Variants in GFRA1 observed in about 807,000 individuals in gnomAD.
GFRA1 encodes GDNF family receptor alpha 1, also known as GDNF family receptor alpha-1.
Under a neutral mutation model 51.6 loss-of-function variants are expected in GFRA1, and 16 were observed. That is an observed-to-expected ratio of 0.31 (90% CI 0.21 to 0.47). The LOEUF is 0.47. Among genes scored for constraint, GFRA1 ranks in the 20% least tolerant of loss-of-function variants. The probability of loss-of-function intolerance (pLI) is 1.00; values close to 1 mark genes in which losing one functional copy is unlikely to be tolerated. For synonymous variants in GFRA1, 270 were observed against 241.3 expected (o/e 1.12, Z -1.10); for missense variants, 530 against 594.3 (o/e 0.89, Z 1.13).
chr10:116,162,545 G>A (rs978279475), intron 5 of GFRA1, among the ~76,000 whole-genome samples: 5 of 152,198 alleles, frequency 3.3e-5, no homozygotes, highest in Non-Finnish European at 5.9e-5. Context: ...GTTGGTCTGC[G>A]GAGGCTCTGG....
chr10:116,141,488 G>T (rs758031767), intron 5 of GFRA1, among the ~76,000 whole-genome samples: 38 of 151,772 alleles, frequency 2.5e-4, no homozygotes, highest in Admixed American at 2.4e-3. Flanking sequence ...CTGCCTCCTG[G>T]CAATGAGTAA....
intron 4 of GFRA1, among the ~76,000 whole-genome samples, chr10:116,228,179 G>A (rs750899987): frequency 2.6e-5 from 4 of 152,266 alleles, no homozygotes; most frequent in South Asian, 2.1e-4. Context: ...ATTATCTCCC[G>A]GGCCTGGTAG....
intron 9 of GFRA1, among the ~76,000 whole-genome samples, chr10:116,083,585 A>C (rs1021735260): frequency 1.3e-5 from 2 of 152,198 alleles, no homozygotes; most frequent in African/African-American, 4.8e-5. Context: ...CAGAACACCC[A>C]TTGGCAGCTT....
intron 5 of GFRA1, among the ~76,000 whole-genome samples, chr10:116,148,056 A>ATGTGTGCATGTG (rs1555158853): frequency 9.2e-4 from 126 of 136,536 alleles, no homozygotes; most frequent in Non-Finnish European, 1.4e-3. Flanking sequence ...GTGTGCATGC[A>ATGTGTGCATGTG]TGTGTGCATG....
chr10:116,082,549 T>C (rs2133840502), intron 9 of GFRA1, among the ~76,000 whole-genome samples: 1 of 152,234 alleles, frequency 6.6e-6, no homozygotes. Flanking sequence ...GGTGCGATCT[T>C]GGCTCACCAC....
At chr10:116,211,596 C>G (rs1965198414) in intron 5 of GFRA1, 35 bp downstream of exon 5, 1 of 1,538,804 alleles carries the variant, frequency 6.5e-7, no homozygotes, top group Non-Finnish European at 8.8e-7. Flanking sequence ...AAGAGCACAG[C>G]CAGTGAAAAA....
intron 5 of GFRA1, among the ~76,000 whole-genome samples, chr10:116,161,979 T>G (rs1959855378): frequency 6.6e-6 from 1 of 152,228 alleles, no homozygotes; most frequent in African/African-American, 2.4e-5. Context: ...ATTTCAGGCT[T>G]CAATCTCAGA....
intron 6 of GFRA1, among the ~76,000 whole-genome samples, chr10:116,105,834 G>A (rs867640613): frequency 3.3e-5 from 5 of 152,160 alleles, no homozygotes; most frequent in Admixed American, 1.3e-4. Flanking sequence ...AACTGCTTGC[G>A]GCAGGCAGAA....
At chr10:116,248,342 T>C (rs554457280) in intron 4 of GFRA1, among the ~76,000 whole-genome samples, 2 of 152,298 alleles carry the variant, frequency 1.3e-5, no homozygotes, top group South Asian at 2.1e-4. Context: ...CCAGGCTCAA[T>C]GCAATCAGGC....
chr10:116,163,784 C>T (rs768404488), intron 5 of GFRA1, among the ~76,000 whole-genome samples: 5 of 152,274 alleles, frequency 3.3e-5, no homozygotes, highest in African/African-American at 7.2e-5. Context: ...TCACACTCTC[C>T]GCCAGTGCTG....
intron 9 of GFRA1, among the ~76,000 whole-genome samples, chr10:116,081,377 C>CA (rs1183735374): frequency 6.6e-6 from 1 of 152,224 alleles, no homozygotes; most frequent in African/African-American, 2.4e-5. Context: ...ACCAATCTGA[C>CA]ACTTCAGTCT....
intron 6 of GFRA1, among the ~76,000 whole-genome samples, chr10:116,107,455 G>A (rs565966897): frequency 6.6e-6 from 1 of 152,290 alleles, no homozygotes; most frequent in African/African-American, 2.4e-5. Flanking sequence ...ATGTGTTCAG[G>A]AAAGTCATGA....
chr10:116,102,147 C>T (rs891291739), intron 6 of GFRA1, among the ~76,000 whole-genome samples: 8 of 152,196 alleles, frequency 5.3e-5, no homozygotes, highest in Non-Finnish European at 1.0e-4. Flanking sequence ...CCACAGATGG[C>T]ATTCACAGGA....
chr10:116,086,554 C>G (rs563429458), intron 9 of GFRA1, among the ~76,000 whole-genome samples: 1 of 152,288 alleles, frequency 6.6e-6, no homozygotes, highest in African/African-American at 2.4e-5. Flanking sequence ...CTGCCCTTAT[C>G]CCTTATTCCC....
chr10:116,109,654 G>A (rs931257115), intron 6 of GFRA1, among the ~76,000 whole-genome samples: 3 of 152,088 alleles, frequency 2.0e-5, no homozygotes, highest in Non-Finnish European at 4.4e-5. Context: ...AGGGCTCCCC[G>A]GGCCCACGGG....
chr10:116,058,388 C>G lies in GFRA1; in HGVS notation c.*6010G>C, dbSNP rs1175398889. On this transcript the variant is annotated 3_prime_UTR_variant, in exon 11 of 11. Transcript: ENST00000355422. Reference sequence around the variant, plus strand: ...CACCTGCACCATGGCCGGTACCTGACAGCTGTGACTTCCCCGCCGCTGTGC... The same window carrying G: ...CACCTGCACCATGGCCGGTACCTGAGAGCTGTGACTTCCCCGCCGCTGTGC... The G allele has an allele frequency of 2.6e-5, 4 of 152,330 alleles. No individual in the cohort carries two copies. Among genetic ancestry groups the G allele is most frequent in the East Asian group, 1.9e-4 (1 of 5,176 alleles). The allele number at this position is 152,330 out of a possible 1,614,324, so 9.4% of individuals were successfully genotyped here.
intron 9 of GFRA1, among the ~76,000 whole-genome samples, chr10:116,087,548 G>A (rs1289491110): frequency 6.6e-6 from 1 of 152,216 alleles, no homozygotes; most frequent in African/African-American, 2.4e-5. Flanking sequence ...CGCTGCCTCT[G>A]CAGTCACCCT....
At chr10:116,129,743 A>G (rs1958027057) in intron 5 of GFRA1, among the ~76,000 whole-genome samples, 1 of 152,074 alleles carries the variant, frequency 6.6e-6, no homozygotes, top group Non-Finnish European at 1.5e-5. Flanking sequence ...AAGTAATTGT[A>G]CTTTGAAAAA....
chr10:116,167,474 C>CAATCCTGTTAA (rs1259643565), intron 5 of GFRA1, among the ~76,000 whole-genome samples: 1 of 152,162 alleles, frequency 6.6e-6, no homozygotes, highest in Non-Finnish European at 1.5e-5. Context: ...AAGACTATCT[C>CAATCCTGTTAA]AATCCTGTTA....
Sources: allele counts gnomAD v4.1 joint callset (sites outside exome capture counted in the v4.1 genomes callset), GRCh38; gene constraint gnomAD v4.1.1; transcripts MANE v1.5; gene names NCBI Gene and HGNC (gene_info 2026-07-23, HGNC 2026-07-21).